TULP4: variants seen among roughly 807,000 people sequenced by gnomAD.
TULP4 encodes the protein tubby-related protein 4.
Under a neutral mutation model 129.0 loss-of-function variants are expected in TULP4, and 16 were observed. The observed-to-expected ratio is 0.12, with a 90% CI of 0.08 to 0.19. The LOEUF (loss-of-function observed/expected upper bound fraction) is 0.19, where lower values mean the gene tolerates loss of function less well. TULP4 is among the 10% of genes least tolerant of loss of function. The probability of loss-of-function intolerance (pLI) is 1.00; values close to 1 mark genes in which losing one functional copy is unlikely to be tolerated. For missense variants in TULP4, 1,842 were observed against 2,059.1 expected (o/e 0.89, Z 2.04); for synonymous variants, 998 against 854.0 (o/e 1.17, Z -2.94).
intron 3 of TULP4, among the ~76,000 whole-genome samples, chr6:158,443,271 C>CATGCCTG (rs1778942175): frequency 6.6e-6 from 1 of 151,954 alleles, no homozygotes; most frequent in Non-Finnish European, 1.5e-5. Context: ...CGTGAGCCAC[C>CATGCCTG]GCACCCAGCC....
chr6:158,333,158 C>A (rs1562524032), intron 1 of TULP4, among the ~76,000 whole-genome samples: 1 of 152,160 alleles, frequency 6.6e-6, no homozygotes, highest in African/African-American at 2.4e-5. Context: ...AAAAGGATGT[C>A]ATGGACTGAA....
intron 1 of TULP4, among the ~76,000 whole-genome samples, chr6:158,376,576 T>C (rs1777197049): frequency 6.6e-6 from 1 of 152,158 alleles, no homozygotes; most frequent in Non-Finnish European, 1.5e-5. Flanking sequence ...AGATCCCACC[T>C]CTCAAGAGGG....
Position 158,413,149 on chromosome 6 carries a change from G to A in TULP4, c.337G>A (p.Glu113Lys), listed in dbSNP as rs1778133856. Residue 113 changes from glutamate (E) to lysine (K), a missense_variant, in exon 2 of 14, where the codon GAG becomes AAG. By Grantham distance (56) the Glu-to-Lys change is moderately conservative. Around this residue, in one of 5 missense-constraint regions of TULP4, gnomAD observed 151 missense variants for 268.7 expected, o/e 0.56. Coordinates refer to ENST00000367097, the MANE Select transcript of TULP4 (RefSeq NM_020245.5). The surrounding 1 kb of genome is among the most constrained non-coding windows in gnomAD (Gnocchi z 4.9). ...DGGIFVWIQY[E>K]GRWSVELVND... ...AGGCATATTCGTGTGGATTCAGTACGAGGGCAGGTGGTCTGTGGAGCTGGT... is the reference window on the plus strand; with the variant it reads ...AGGCATATTCGTGTGGATTCAGTACAAGGGCAGGTGGTCTGTGGAGCTGGT... 1 of 1,613,874 alleles carries A rather than the reference G, an allele frequency of 6.2e-7. No homozygotes were observed. The highest frequency in any genetic ancestry group is 8.5e-7 in the Non-Finnish European group (1 of 1,179,816).
intron 1 of TULP4, among the ~76,000 whole-genome samples, chr6:158,248,130 A>G (rs1308614721): frequency 6.6e-6 from 1 of 152,194 alleles, no homozygotes; most frequent in Non-Finnish European, 1.5e-5. Context: ...ATGTTAACAG[A>G]TTAGAGAATG....
At position 158,503,462 on chromosome 6, in the gene TULP4, A is replaced by G. The variant is rs369995721; in HGVS notation, c.3799A>G (p.Ser1267Gly). 5 of 1,613,922 alleles carry G rather than the reference A, an allele frequency of 3.1e-6. No individual in the cohort carries two copies. In the East Asian group the frequency reaches 8.9e-5, roughly 29 times the overall value. ...CGCCTTGCATCCATGGAGTTCCTACAGCGCCTGCCCGCCCATGCAGAACCC... is the reference window on the plus strand; with the variant it reads ...CGCCTTGCATCCATGGAGTTCCTACGGCGCCTGCCCGCCCATGCAGAACCC... ...PVALHPWSSY[S>G]ACPPMQNPQG... Residue 1267 changes from serine (S) to glycine (G), a missense_variant, in exon 13 of 14, where the codon AGC (serine) becomes GGC (glycine). Ser to Gly is a moderately conservative substitution (Grantham distance 56, BLOSUM62 0). Coordinates refer to ENST00000367097, the MANE Select transcript of TULP4 (RefSeq NM_020245.5). The surrounding 1 kb of genome is among the most constrained non-coding windows in gnomAD (Gnocchi z 4.3).
intron 13 of TULP4, among the ~76,000 whole-genome samples, chr6:158,505,933 G>A (rs1273082942): frequency 6.6e-6 from 1 of 151,836 alleles, no homozygotes; most frequent in Non-Finnish European, 1.5e-5. Flanking sequence ...GTGCATAATG[G>A]GGGGTGGGCT....
At chr6:158,242,077 T>C in intron 1 of TULP4, 2 of 803,990 alleles carry the variant, frequency 2.5e-6, no homozygotes, top group South Asian at 1.3e-5. Context: ...TAGTATTTGA[T>C]TGTAAAGTTG....
At chr6:158,468,407 A>G (rs544596992) in intron 6 of TULP4, among the ~76,000 whole-genome samples, 15 of 152,330 alleles carry the variant, frequency 9.8e-5, no homozygotes, top group Non-Finnish European at 1.9e-4. Flanking sequence ...GTCTATTTCT[A>G]TAACTATCTC....
intron 1 of TULP4, among the ~76,000 whole-genome samples, chr6:158,268,445 T>C (rs1778490181): frequency 1.3e-5 from 2 of 152,198 alleles, no homozygotes. Context: ...CTTAGTCTGT[T>C]TGGCTGCTAT....
intron 1 of TULP4, among the ~76,000 whole-genome samples, chr6:158,370,314 G>T (rs917506521): frequency 6.6e-6 from 1 of 151,780 alleles, no homozygotes; most frequent in Non-Finnish European, 1.5e-5. Flanking sequence ...AAAATTAGAC[G>T]GGTGTGGTGG....
chr6:158,360,080 C>T (rs1780748004), intron 1 of TULP4, among the ~76,000 whole-genome samples: 1 of 151,626 alleles, frequency 6.6e-6, no homozygotes, highest in East Asian at 1.9e-4. Context: ...GCCTTCCCCC[C>T]TTCCCTTTTA....
Position 158,271,403 on chromosome 6 carries a change from G to T in TULP4, n.68+39100G>T, listed in dbSNP as rs563649560. Among the ~76,000 whole-genome samples, 74 of 151,846 alleles carry T rather than the reference G, an allele frequency of 4.9e-4. No individual in the cohort carries two copies. The South Asian group carries it at 7.7e-3, about 16-fold the overall frequency. ...ACTCTCACAGGCTTTGTCTCTTGTA[G>T]CTCAGATAGGGTTTCTTTAATCCAT... On this transcript the variant is annotated intron_variant and non_coding_transcript_variant, in intron 1 of 1. Transcript: ENST00000620026.
chr6:158,235,467 C>A (rs147290728), intron 1 of TULP4, among the ~76,000 whole-genome samples: 31 of 152,302 alleles, frequency 2.0e-4, no homozygotes, highest in African/African-American at 7.5e-4. Context: ...GTGATATCCT[C>A]AGGGTTCATC....
At chr6:158,464,922 A>C (rs1779521524) in intron 6 of TULP4, among the ~76,000 whole-genome samples, 1 of 152,198 alleles carries the variant, frequency 6.6e-6, no homozygotes, top group Non-Finnish European at 1.5e-5. Context: ...TGCCATTTGC[A>C]GGTTTTGCCA....
At chr6:158,266,147 C>A (rs914669530) in intron 1 of TULP4, among the ~76,000 whole-genome samples, 1 of 152,312 alleles carries the variant, frequency 6.6e-6, no homozygotes, top group Non-Finnish European at 1.5e-5. Flanking sequence ...TTCTAAGCAA[C>A]ATTTTAAACA....
chr6:158,497,434 C>G (rs1780357400), intron 11 of TULP4, among the ~76,000 whole-genome samples: 1 of 152,108 alleles, frequency 6.6e-6, no homozygotes, highest in South Asian at 2.1e-4. Context: ...GGCATTTTAA[C>G]AATACACAGT....
intron 6 of TULP4, among the ~76,000 whole-genome samples, chr6:158,476,530 T>C (rs1779824469): frequency 6.6e-6 from 1 of 152,086 alleles, no homozygotes; most frequent in Non-Finnish European, 1.5e-5. Flanking sequence ...TGGTTTGGAG[T>C]CACACCATCC....
intron 1 of TULP4, among the ~76,000 whole-genome samples, chr6:158,361,909 A>G (rs1038519139): frequency 1.3e-5 from 2 of 152,114 alleles, no homozygotes; most frequent in African/African-American, 4.8e-5. Context: ...TACCACATCT[A>G]TTTCTCCTTA....
chr6:158,495,283 G>A (rs560912018), intron 11 of TULP4, among the ~76,000 whole-genome samples: 1 of 152,160 alleles, frequency 6.6e-6, no homozygotes, highest in East Asian at 1.9e-4. Flanking sequence ...AAACTCCTGA[G>A]CTCAAGCAAT....
Sources: allele counts gnomAD v4.1 joint callset (sites outside exome capture counted in the v4.1 genomes callset), GRCh38; gene constraint gnomAD v4.1.1; regional missense constraint gnomAD v4.1.1; non-coding constraint Gnocchi (gnomAD v3.1); transcripts MANE v1.5; gene names NCBI Gene and HGNC (gene_info 2026-07-23, HGNC 2026-07-21).